Variants in ADAM11 observed in about 807,000 individuals in gnomAD.
ADAM11 encodes the protein ADAM metallopeptidase domain 11, also known as disintegrin and metalloproteinase domain-containing protein 11.
A neutral mutation model predicts 119.1 loss-of-function variants in ADAM11; 49 were observed. The observed-to-expected ratio is 0.41, with a 90% CI of 0.33 to 0.52. ADAM11 has a LOEUF of 0.52. Ranked by LOEUF, ADAM11 falls within the 20% of genes least tolerant of loss-of-function variation. ADAM11 has a pLI of 0.20. For synonymous variants in ADAM11, 364 were observed against 408.0 expected (o/e 0.89, Z 1.30); for missense variants, 777 against 1,047.5 (o/e 0.74, Z 3.56).
chr17:44,769,646 T>C, intron 2 of ADAM11, 72 bp from the exon 3 acceptor site: 9 of 1,003,890 alleles, frequency 9.0e-6, no homozygotes, highest in East Asian at 2.4e-5. Context: ...CTACTGTTGC[T>C]CCCGGGATCC....
Position 44,776,750 on chromosome 17 carries a change from G to A in ADAM11, c.1572G>A (p.Pro524=), listed in dbSNP as rs766687950. The change falls in exon 19 of 27, where the codon CCG becomes CCA. Residue 524 remains proline (P), a synonymous_variant. Transcript: ENST00000200557. This position sits in a 1 kb window ranked among gnomAD's most constrained non-coding sequence, Gnocchi z 5.2. ...CCCCACCCCTCTCTCCACAGTGCCCGCCTAACCTGCACAAGCTGGACGGTT... is the reference window on the plus strand; with the variant it reads ...CCCCACCCCTCTCTCCACAGTGCCCACCTAACCTGCACAAGCTGGACGGTT... ...ETCTGDSSQC[P]PNLHKLDGYY... The A allele has an allele frequency of 1.9e-5, 31 of 1,613,862 alleles. No homozygotes were observed. The highest frequency in any genetic ancestry group is 2.5e-5 in the Non-Finnish European group (29 of 1,179,976).
Position 44,772,358 on chromosome 17 carries a change from G to GC in ADAM11, c.610+25_610+26insC. The stretch of plus-strand genomic sequence containing the variant: ...GGTAAGGGAGGGAAGGGGGGGTGGG[G>GC]AGGGGCCGGCTGTGCCCCCCTCACC... On this transcript the variant is annotated intron_variant, in intron 7 of 26. Coordinates refer to ENST00000200557, the MANE Select transcript of ADAM11 (RefSeq NM_002390.6). The surrounding 1 kb of genome is among the most constrained non-coding windows in gnomAD (Gnocchi z 4.5). The GC allele has an allele frequency of 7.0e-7, 1 of 1,433,734 alleles. No individual in the cohort carries two copies. The allele number at this position is 1,433,734 out of a possible 1,614,324, so 88.8% of individuals were successfully genotyped here.
intron 2 of ADAM11, among the ~76,000 whole-genome samples, chr17:44,769,503 A>G (rs1409055894): frequency 6.6e-6 from 1 of 152,252 alleles, no homozygotes; most frequent in Non-Finnish European, 1.5e-5. Context: ...GGCTGTGCCC[A>G]GGGCTGAGCA....
rs138490145 is a variant in ADAM11 at position 44,776,139 on chromosome 17, G to C, written c.1498G>C (p.Gly500Arg). The C allele has an allele frequency of 6.2e-6, 10 of 1,613,566 alleles. No individual in the cohort carries two copies. Among genetic ancestry groups the C allele is most frequent in the Non-Finnish European group, 7.6e-6 (9 of 1,179,958 alleles). Residue 500 changes from glycine (G) to arginine (R), a missense_variant, in exon 18 of 27, where the codon GGT becomes CGT. Gly to Arg is a moderately radical substitution (Grantham distance 125, BLOSUM62 -2). This residue lies in a region of ADAM11 where 348 missense variants were observed against 486.7 expected (regional missense o/e 0.72). Coordinates refer to ENST00000200557, the MANE Select transcript of ADAM11 (RefSeq NM_002390.6). This position sits in a 1 kb window ranked among gnomAD's most constrained non-coding sequence, Gnocchi z 5.2. ...GTCTCTTCCCTAGTACGAACCACGG[G>C]GTGTGTCCTGCCGAGAGGCCGTGAA... ...CCRRCKYEPR[G>R]VSCREAVNEC...
chr17:44,759,489 T>G, intron 1 of ADAM11: 1 of 1,248,158 alleles, frequency 8.0e-7, no homozygotes, highest in Non-Finnish European at 1.0e-6. Flanking sequence ...GCTCTGCAGG[T>G]CTCTGCGGGT....
Position 44,774,520 on chromosome 17 carries a change from C to T in ADAM11, c.1106C>T (p.Thr369Ile). ...EYGNMGAMAV[T>I]LAQTLGQNLG... ...GGCAACATGGGGGCGATGGCCGTGA[C>T]CCTTGCCCAGACGCTGGGACAGAAC... Residue 369 changes from threonine to isoleucine, a missense_variant, in exon 13 of 27, where the codon ACC becomes ATC. Coordinates refer to ENST00000200557, the MANE Select transcript of ADAM11 (RefSeq NM_002390.6). 1 of 1,613,420 alleles carries T rather than the reference C, an allele frequency of 6.2e-7. No homozygotes were observed. The highest frequency in any genetic ancestry group is 2.2e-5 in the East Asian group (1 of 44,878).
rs757994116 is a variant in ADAM11, at chr17:44,775,328, G to A, written c.1320+17G>A. 3.1e-6 allele frequency: 5 copies of A among 1,613,616 alleles called. No homozygotes were observed. The South Asian group carries it at 4.4e-5, about 14-fold the overall frequency. ...CCCCTCAAGGTACCAGCCCCGCGGC[G>A]GGGAGCATGGGAGCGGGCCCTGGGC... On this transcript the variant is annotated intron_variant, in intron 15 of 26. Coordinates refer to ENST00000200557, the MANE Select transcript of ADAM11 (RefSeq NM_002390.6). The surrounding 1 kb of genome is among the most constrained non-coding windows in gnomAD (Gnocchi z 7.5).
intron 1 of ADAM11, chr17:44,759,465 C>T (rs2049362116): frequency 8.0e-7 from 1 of 1,247,080 alleles, no homozygotes; most frequent in Non-Finnish European, 1.0e-6. Flanking sequence ...CCTGCCCCTG[C>T]CGCCGACCGG....
chr17:44,773,838 G>A lies in ADAM11; in HGVS notation c.992+411G>A, dbSNP rs893068850. ...GGGCCAGGCGTGGTGGCTCATGCCT[G>A]TAATCTCAGCACTTTGGGAGGCCAA... On this transcript the variant is annotated intron_variant, in intron 11 of 26. Coordinates refer to ENST00000200557, the MANE Select transcript of ADAM11 (RefSeq NM_002390.6). The surrounding 1 kb of genome is among the most constrained non-coding windows in gnomAD (Gnocchi z 4.6). 6.6e-6 allele frequency among the ~76,000 whole-genome samples: 1 copy of A among 152,140 alleles called. No individual in the cohort carries two copies. The highest frequency in any genetic ancestry group is 1.5e-5 in the Non-Finnish European group (1 of 68,026).
intron 25 of ADAM11, 138 bp downstream of exon 25, chr17:44,778,380 G>A (rs1003558758): frequency 3.4e-6 from 3 of 874,776 alleles, no homozygotes; most frequent in Non-Finnish European, 5.1e-6. Context: ...TAGCCTGCAG[G>A]GCTTAACATT....
In ADAM11 at chr17:44,772,225, G is replaced by C; in HGVS notation, c.544-42G>C. 1 of 1,569,462 alleles carries C rather than the reference G, an allele frequency of 6.4e-7. No homozygotes were observed. Among genetic ancestry groups the C allele is most frequent in the Non-Finnish European group, 8.7e-7 (1 of 1,150,558 alleles). On this transcript the variant is annotated intron_variant, in intron 6 of 26. Coordinates refer to ENST00000200557, the MANE Select transcript of ADAM11 (RefSeq NM_002390.6). This position sits in a 1 kb window ranked among gnomAD's most constrained non-coding sequence, Gnocchi z 4.5. ...GCCCCCGCCAAGTGGGCCTGGAGCA[G>C]GCCCAGTTGGCACCCCAAGAACTAA...
chr17:44,765,085 G>C (rs2049430889), intron 2 of ADAM11, among the ~76,000 whole-genome samples: 1 of 152,028 alleles, frequency 6.6e-6, no homozygotes, highest in Admixed American at 6.6e-5. Flanking sequence ...AGGTGGCTCT[G>C]TTCTCAAAAA....
In ADAM11 at chr17:44,780,200, A is replaced by T. The variant is rs1233324685; in HGVS notation, c.*446A>T. ...CTGACATCTACATTTTTTAAAACTG[A>T]ATCTTAATCGATGAATGTAAACTCG... On this transcript the variant is annotated 3_prime_UTR_variant, in exon 27 of 27. Transcript: ENST00000200557. 2.1e-6 allele frequency: 1 copy of T among 472,670 alleles called. No homozygotes were observed. 29.3% of individuals were successfully genotyped at this position (472,670 alleles called of 1,614,324 possible). A position where few individuals can be genotyped will look rare whatever the true frequency, so the allele number is the denominator to read the frequency against.
In ADAM11 at chr17:44,773,034, G is replaced by A. The variant is rs200014756; in HGVS notation, c.774G>A (p.Ser258=). The A allele has an allele frequency of 2.2e-5, 35 of 1,614,002 alleles. No individual in the cohort carries two copies. The highest frequency in any genetic ancestry group is 2.2e-4 in the Admixed American group (13 of 60,018). The change falls in exon 10 of 27, where the codon TCG becomes TCA. Residue 258 remains serine (S), a synonymous_variant. Coordinates refer to ENST00000200557, the MANE Select transcript of ADAM11 (RefSeq NM_002390.6). This position sits in a 1 kb window ranked among gnomAD's most constrained non-coding sequence, Gnocchi z 4.6. The part of the protein sequence containing the change: ...DHQLFEQMRQ[S]VVLTSNFAKS... ...CCCAGTTCGAGCAGATGCGACAGTC[G>A]GTGGTCCTCACCAGCAACTTTGCCA... is the stretch of plus-strand genomic sequence containing the variant.
chr17:44,778,702 A>AT (rs2049642077), intron 25 of ADAM11, among the ~76,000 whole-genome samples: 1 of 146,528 alleles, frequency 6.8e-6, no homozygotes, highest in Non-Finnish European at 1.5e-5. Flanking sequence ...AAAAAAAAAA[A>AT]AAAAAAAAAA....
chr17:44,773,517 C>T lies in ADAM11; in HGVS notation c.992+90C>T. 6.8e-7 allele frequency: 1 copy of T among 1,472,938 alleles called. No homozygotes were observed. Among genetic ancestry groups the T allele is most frequent in the South Asian group, 1.3e-5 (1 of 76,432 alleles). The allele number at this position is 1,472,938 out of a possible 1,614,324, so 91.2% of individuals were successfully genotyped here. ...AACACCTGCCCTGTGCTGGCTGCTC[C>T]TCTCAGAGTCTGGGGACTGGGCTCA... On this transcript the variant is annotated intron_variant, in intron 11 of 26. Transcript: ENST00000200557. The surrounding 1 kb of genome is among the most constrained non-coding windows in gnomAD (Gnocchi z 4.6).
rs1193709799 is a variant in ADAM11, at chr17:44,780,057, G to A, written c.*303G>A. 2.6e-5 allele frequency: 18 copies of A among 682,908 alleles called. No homozygotes were observed. The East Asian group carries it at 4.7e-4, about 18-fold the overall frequency. 42.3% of individuals were successfully genotyped at this position (682,908 alleles called of 1,614,324 possible). A position where few individuals can be genotyped will look rare whatever the true frequency, so the allele number is the denominator to read the frequency against. On this transcript the variant is annotated 3_prime_UTR_variant, in exon 27 of 27. Transcript: ENST00000200557. Reference sequence around the variant, plus strand: ...TCATGGATTGCCACAGCTCAACTCGGGGGCGCCTGGAGGGATGCCCCCAGG... The same window carrying A: ...TCATGGATTGCCACAGCTCAACTCGAGGGCGCCTGGAGGGATGCCCCCAGG...
Position 44,777,021 on chromosome 17 carries a change from G to A in ADAM11, c.1681+59G>A, listed in dbSNP as rs918686624. Reference sequence around the variant, plus strand: ...GGAGGACCCAGAGCTGAGAAGCTGGGGAGAGTGGGTTCCAGCTGAACAGGC... The same window carrying A: ...GGAGGACCCAGAGCTGAGAAGCTGGAGAGAGTGGGTTCCAGCTGAACAGGC... On this transcript the variant is annotated intron_variant, in intron 20 of 26. Transcript: ENST00000200557. This position sits in a 1 kb window ranked among gnomAD's most constrained non-coding sequence, Gnocchi z 5.1. The A allele has an allele frequency of 1.3e-6, 2 of 1,580,170 alleles. No homozygotes were observed. Among genetic ancestry groups the A allele is most frequent in the Non-Finnish European group, 1.7e-6 (2 of 1,157,338 alleles).
chr17:44,778,688 C>CAAAAA (rs566515861), intron 25 of ADAM11, among the ~76,000 whole-genome samples: 1 of 52,412 alleles, frequency 1.9e-5, no homozygotes, highest in East Asian at 4.8e-4. Flanking sequence ...AAGACTGCGT[C>CAAAAA]AAAAAAAAAA....
Sources: gnomAD v4.1 joint callset for allele counts (sites outside exome capture counted in the v4.1 genomes callset) on GRCh38, gnomAD v4.1.1 for gene constraint, gnomAD v4.1.1 regional missense constraint, Gnocchi (gnomAD v3.1) non-coding constraint, MANE v1.5 for transcripts, NCBI Gene and HGNC (gene_info 2026-07-23, HGNC 2026-07-21) for gene names.